The following MATR3 variants were observed in gnomAD, a reference collection of about 807,000 sequenced individuals.
MATR3 encodes the protein matrin-3.
Under a neutral mutation model 85.5 loss-of-function variants are expected in MATR3, and 4 were observed. The observed-to-expected ratio is 0.05, with a 90% CI of 0.02 to 0.11. MATR3 has a LOEUF of 0.11. MATR3 is among the 10% of genes least tolerant of loss of function. The pLI is 1.00. For synonymous variants in MATR3, 336 were observed against 343.1 expected, an observed-to-expected ratio of 0.98 and a Z score of 0.23; for missense variants, 685 against 1,016.1, an observed-to-expected ratio of 0.67 and a Z score of 4.43.
intron 1 of MATR3, among the ~76,000 whole-genome samples, chr5:139,303,690 A>G (rs1238272736): frequency 2.0e-5 from 3 of 151,142 alleles, no homozygotes; most frequent in Non-Finnish European, 4.4e-5. Flanking sequence ...TGGGCAATGC[A>G]CTCCCAGGTG....
chr5:139,295,471 A>G (rs376127984), intron 1 of MATR3, among the ~76,000 whole-genome samples: 3 of 152,218 alleles, frequency 2.0e-5, no homozygotes, highest in East Asian at 1.9e-4. Context: ...ATTACTTTGT[A>G]CTTTACCCAG....
chr5:139,296,212 GT>G (rs1005966916), intron 1 of MATR3, among the ~76,000 whole-genome samples: 3 of 152,134 alleles, frequency 2.0e-5, no homozygotes, highest in African/African-American at 7.2e-5. Flanking sequence ...AAATATTCAA[GT>G]TTTGGGAATC....
In MATR3 at chr5:139,319,393, A is replaced by T. The variant is rs755886796; in HGVS notation, c.1494A>T (p.Ile498=). 1 of 1,614,202 alleles carries T rather than the reference A, an allele frequency of 6.2e-7. No individual in the cohort carries two copies. The highest frequency in any genetic ancestry group is 1.7e-5 in the Admixed American group (1 of 60,020). ...AAAAGCAAGAGCTTGGACGTGTGATACATCTCAGCAATTTGCCGCATTCTG... is the reference window on the plus strand; with the variant it reads ...AAAAGCAAGAGCTTGGACGTGTGATTCATCTCAGCAATTTGCCGCATTCTG... ...FDQKQELGRV[I]HLSNLPHSGY... Residue 498 remains isoleucine (I), a synonymous_variant, in exon 9 of 15, where the codon ATA becomes ATT. Coordinates refer to ENST00000394805, the MANE Select transcript of MATR3 (RefSeq NM_018834.6).
rs1214522462 is a variant in MATR3 at position 139,330,061 on chromosome 5, A to G, written c.*666A>G. 4.0e-5 allele frequency: 18 copies of G among 454,390 alleles called. No individual in the cohort carries two copies. The highest frequency in any genetic ancestry group is 6.8e-4 in the Middle Eastern group (1 of 1,466). 28.1% of individuals were successfully genotyped at this position (454,390 alleles called of 1,614,324 possible). A position where few individuals can be genotyped will look rare whatever the true frequency, so the allele number is the denominator to read the frequency against. On this transcript the variant is annotated 3_prime_UTR_variant, in exon 15 of 15. Coordinates refer to ENST00000394805, the MANE Select transcript of MATR3 (RefSeq NM_018834.6). ...TGTATTTTCAGTGAAATGCAAAAAT[A>G]TTCCCGTTATCTTTGACCAGTATTA...
Position 139,329,496 on chromosome 5 carries a change from T to G in MATR3, c.*101T>G, listed in dbSNP as rs762103685. 1 of 974,686 alleles carries G rather than the reference T, an allele frequency of 1.0e-6. No individual in the cohort carries two copies. Among genetic ancestry groups the G allele is most frequent in the East Asian group, 2.5e-5 (1 of 39,690 alleles). The allele number at this position is 974,686 out of a possible 1,614,324, so 60.4% of individuals were successfully genotyped here. On this transcript the variant is annotated 3_prime_UTR_variant, in exon 15 of 15. Coordinates refer to ENST00000394805, the MANE Select transcript of MATR3 (RefSeq NM_018834.6). Reference sequence around the variant, plus strand: ...ATACTGATAGTTAGAAGAAAACTATTGTACTCTTTTGTTTTAGTGGAGAAA... The same window carrying G: ...ATACTGATAGTTAGAAGAAAACTATGGTACTCTTTTGTTTTAGTGGAGAAA...
chr5:139,314,831 C>A, intron 3 of MATR3, 95 bp downstream of exon 3: 2 of 1,079,156 alleles, frequency 1.9e-6, no homozygotes, highest in Middle Eastern at 2.0e-4. Context: ...GTAATATCCA[C>A]AATGTTAATA....
intron 7 of MATR3, among the ~76,000 whole-genome samples, chr5:139,318,374 T>C (rs1007938702): frequency 2.6e-5 from 4 of 152,004 alleles, no homozygotes; most frequent in African/African-American, 9.7e-5. Flanking sequence ...CCTCAGGTGA[T>C]CCACCCGCCT....
At chr5:139,317,177 A>G (rs1246588074) in intron 6 of MATR3, 72 bp downstream of exon 6, 2 of 1,401,428 alleles carry the variant, frequency 1.4e-6, no homozygotes, top group Non-Finnish European at 2.0e-6. Context: ...AATCCTTACT[A>G]GTTGAGTATG....
At chr5:139,288,005 G>A (rs1037098123) in intron 3 of MATR3, among the ~76,000 whole-genome samples, 1 of 152,114 alleles carries the variant, frequency 6.6e-6, no homozygotes, top group South Asian at 2.1e-4. Context: ...AAGCCCAGGA[G>A]TTCGACACCA....
intron 14 of MATR3, among the ~76,000 whole-genome samples, chr5:139,326,582 A>T (rs908785118): frequency 6.6e-6 from 1 of 151,866 alleles, no homozygotes; most frequent in African/African-American, 2.4e-5. Flanking sequence ...CACCACACCC[A>T]GCTAATTTTT....
Position 139,330,484 on chromosome 5 carries a change from G to T in MATR3, c.*1089G>T, listed in dbSNP as rs1420433864. The T allele has an allele frequency of 1.5e-5, 7 of 454,144 alleles. No individual in the cohort carries two copies. The East Asian group carries it at 4.9e-4, about 32-fold the overall frequency. The allele number at this position is 454,144 out of a possible 1,614,324, so 28.1% of individuals were successfully genotyped here. A position where few individuals can be genotyped will look rare whatever the true frequency, so the allele number is the denominator to read the frequency against. On this transcript the variant is annotated 3_prime_UTR_variant, in exon 15 of 15. Coordinates refer to ENST00000394805, the MANE Select transcript of MATR3 (RefSeq NM_018834.6). Reference sequence around the variant, plus strand: ...GTTTTTATTCGCTCTTAAACTTTGTGCATGCTTTAACAATTTATTACTTTT... The same window carrying T: ...GTTTTTATTCGCTCTTAAACTTTGTTCATGCTTTAACAATTTATTACTTTT...
At chr5:139,288,085 G>A (rs540426667) in intron 3 of MATR3, among the ~76,000 whole-genome samples, 10 of 152,078 alleles carry the variant, frequency 6.6e-5, no homozygotes, top group Admixed American at 3.3e-4. Context: ...GTTTGGCGGC[G>A]CGCTTCTGTA....
intron 1 of MATR3, among the ~76,000 whole-genome samples, chr5:139,297,133 G>A (rs973618983): frequency 6.6e-6 from 1 of 152,134 alleles, no homozygotes; most frequent in Non-Finnish European, 1.5e-5. Context: ...AGCCGAGGTG[G>A]CGCCACTGCA....
chr5:139,296,585 A>G (rs1003021491), intron 1 of MATR3, among the ~76,000 whole-genome samples: 10 of 152,242 alleles, frequency 6.6e-5, no homozygotes, highest in African/African-American at 1.9e-4. Flanking sequence ...GGCATAGACA[A>G]ACTAGCTGCT....
At chr5:139,300,345 A>G (rs1218390945) in intron 1 of MATR3, among the ~76,000 whole-genome samples, 3 of 152,124 alleles carry the variant, frequency 2.0e-5, no homozygotes, top group East Asian at 3.9e-4. Flanking sequence ...AGGCCTGGCA[A>G]CTGTGCGAGA....
At chr5:139,290,773 G>A (rs959352440), upstream of MATR3, among the ~76,000 whole-genome samples, 2 of 151,906 alleles carry the variant, frequency 1.3e-5, no homozygotes, top group African/African-American at 4.8e-5. Flanking sequence ...TTCAACTCCT[G>A]TTACTTCGTT....
At chr5:139,315,495 C>G in intron 3 of MATR3, 1 of 522,808 alleles carries the variant, frequency 1.9e-6, no homozygotes, top group South Asian at 2.8e-5. Context: ...CAATACAAAA[C>G]AAGTTTATTC....
At chr5:139,317,480 T>A in intron 6 of MATR3, 116 bp from the exon 7 acceptor site, 1 of 1,014,426 alleles carries the variant, frequency 9.9e-7, no homozygotes. Flanking sequence ...ATGTTATGAG[T>A]TGTTTTACTT....
intron 1 of MATR3, among the ~76,000 whole-genome samples, chr5:139,302,083 C>A (rs1004309461): frequency 6.6e-6 from 1 of 152,148 alleles, no homozygotes; most frequent in Non-Finnish European, 1.5e-5. Context: ...ACTTTTTTAT[C>A]TTTTCTATTG....
Sources: allele counts gnomAD v4.1 joint callset (sites outside exome capture counted in the v4.1 genomes callset), GRCh38; gene constraint gnomAD v4.1.1; transcripts MANE v1.5; gene names NCBI Gene and HGNC (gene_info 2026-07-23, HGNC 2026-07-21).